Variants in LRRK1 observed in about 807,000 individuals in gnomAD.
LRRK1 encodes leucine rich repeat kinase 1.
LRRK1 carries 113 observed loss-of-function variants against 209.1 expected under a neutral mutation model. The ratio of observed to expected loss-of-function variants is 0.54; its 90% confidence interval spans 0.46 to 0.63. The LOEUF is 0.63. Among genes scored for constraint, LRRK1 ranks in the 30% least tolerant of loss-of-function variants. The pLI, the probability that LRRK1 is intolerant of heterozygous loss-of-function variation, is 0.00. For missense variants in LRRK1, 2,284 were observed against 2,632.2 expected (o/e 0.87, Z 2.89); for synonymous variants, 1,144 against 1,099.7 (o/e 1.04, Z -0.80).
intron 2 of LRRK1, among the ~76,000 whole-genome samples, chr15:100,960,128 G>A (rs75568584): frequency 0.012 from 1,810 of 152,204 alleles, 45 homozygotes; most frequent in African/African-American, 0.041. Context: ...ATTCCGCCAC[G>A]TAAGAAAAAC....
chr15:100,971,518 T>C (rs1323338919), intron 2 of LRRK1, among the ~76,000 whole-genome samples: 2 of 152,120 alleles, frequency 1.3e-5, no homozygotes, highest in African/African-American at 4.8e-5. Context: ...CCAAGGATGA[T>C]AGTGTTGAAG....
intron 2 of LRRK1, among the ~76,000 whole-genome samples, chr15:100,966,500 C>G (rs1252592243): frequency 6.6e-6 from 1 of 152,130 alleles, no homozygotes; most frequent in Non-Finnish European, 1.5e-5. Flanking sequence ...CCCCCATGGC[C>G]CATGCCTAAT....
rs768781615 is a variant in LRRK1 at position 101,022,429 on chromosome 15, G to A, written c.1899G>A (p.Ala633=). The A allele has an allele frequency of 9.9e-6, 16 of 1,614,104 alleles. No homozygotes were observed. Among genetic ancestry groups the A allele is most frequent in the African/African-American group, 2.7e-5 (2 of 74,934 alleles). ...ACCTGCGTGCTCAGCTGCGGAAAGCGGAAAAGTGCAAGCTGATGAAGATGA... is the reference window on the plus strand; with the variant it reads ...ACCTGCGTGCTCAGCTGCGGAAAGCAGAAAAGTGCAAGCTGATGAAGATGA... ...LSYLRAQLRK[A]EKCKLMKMII... is the part of the protein sequence containing the mutation. The change falls in exon 15 of 34, where the codon GCG becomes GCA. Residue 633 remains alanine (A), a synonymous_variant. Coordinates refer to ENST00000388948, the MANE Select transcript of LRRK1 (RefSeq NM_024652.6). This position sits in a 1 kb window ranked among gnomAD's most constrained non-coding sequence, Gnocchi z 4.0.
intron 2 of LRRK1, among the ~76,000 whole-genome samples, chr15:100,928,907 G>T (rs1232674473): frequency 6.6e-6 from 1 of 152,134 alleles, no homozygotes; most frequent in Non-Finnish European, 1.5e-5. Context: ...TCCCAGGAAG[G>T]TGTGTGACAA....
chr15:100,941,524 G>A (rs1010641409), intron 2 of LRRK1, among the ~76,000 whole-genome samples: 2 of 147,362 alleles, frequency 1.4e-5, no homozygotes, highest in Admixed American at 6.8e-5. Context: ...GTCTCTTCCT[G>A]CTGATCGGTG....
chr15:101,054,415 G>T (rs188368136), intron 26 of LRRK1, among the ~76,000 whole-genome samples: 1 of 152,232 alleles, frequency 6.6e-6, no homozygotes, highest in African/African-American at 2.4e-5. Context: ...AAGCTACAGC[G>T]ATGAGCATTT....
chr15:101,040,394 T>A (rs2034693974), intron 20 of LRRK1, among the ~76,000 whole-genome samples: 1 of 152,172 alleles, frequency 6.6e-6, no homozygotes, highest in South Asian at 2.1e-4. Flanking sequence ...ATATTAATAA[T>A]ATGTCTTTTC....
intron 2 of LRRK1, among the ~76,000 whole-genome samples, chr15:100,957,839 A>C (rs1377684055): frequency 1.3e-5 from 2 of 152,180 alleles, no homozygotes; most frequent in Non-Finnish European, 2.9e-5. Flanking sequence ...CCAATTTTTT[A>C]ATTATTTTCG....
intron 12 of LRRK1, among the ~76,000 whole-genome samples, chr15:101,019,830 T>C (rs1391273223): frequency 1.3e-5 from 2 of 152,192 alleles, no homozygotes; most frequent in East Asian, 3.8e-4. Flanking sequence ...TAAAGGCACT[T>C]CAGAGATTCT....
chr15:100,920,532 C>T (rs2042002077), intron 1 of LRRK1, among the ~76,000 whole-genome samples: 1 of 152,164 alleles, frequency 6.6e-6, no homozygotes, highest in African/African-American at 2.4e-5. Flanking sequence ...TTTCCCTCTC[C>T]CAAAAGTCGA....
intron 20 of LRRK1, among the ~76,000 whole-genome samples, chr15:101,031,267 G>T (rs949996301): frequency 1.3e-5 from 2 of 152,188 alleles, no homozygotes; most frequent in East Asian, 3.8e-4. Flanking sequence ...CGCCCTTCCA[G>T]TCGCTTCCCA....
chr15:101,023,747 C>A (rs903132840), intron 15 of LRRK1, among the ~76,000 whole-genome samples: 5 of 152,208 alleles, frequency 3.3e-5, no homozygotes, highest in Admixed American at 2.0e-4. Context: ...GGCATTGAAG[C>A]TGTGCATCTG....
At chr15:101,053,541 G>C (rs2035608808) in intron 26 of LRRK1, 121 bp downstream of exon 26, 1 of 843,944 alleles carries the variant, frequency 1.2e-6, no homozygotes, top group Admixed American at 2.7e-5. Context: ...CCCAACCCAT[G>C]GCTCGTGTGA....
chr15:100,946,812 CA>C (rs1447778043), intron 2 of LRRK1, among the ~76,000 whole-genome samples: 3 of 152,146 alleles, frequency 2.0e-5, no homozygotes, highest in African/African-American at 7.2e-5. Context: ...GAATGTTGAA[CA>C]ACATACCAAT....
Position 101,021,162 on chromosome 15 carries a change from A to T in LRRK1, c.1719A>T (p.Leu573Phe). Residue 573 changes from leucine (L) to phenylalanine (F), a missense_variant, in exon 13 of 34, where the codon TTA becomes TTT. Physicochemically the swap from Leu to Phe is conservative, Grantham distance 22. Transcript: ENST00000388948. ...CCTCGGTTTGCCTACTGAAGAGCTT[A>T]TCAGAGCTCTACTTGGGAAAGTAAG... ...VPPSVCLLKSLSELYLGNNPG... is the reference protein window; with the variant it reads ...VPPSVCLLKSFSELYLGNNPG... 1 of 1,614,062 alleles carries T rather than the reference A, an allele frequency of 6.2e-7. No individual in the cohort carries two copies. Among genetic ancestry groups the T allele is most frequent in the Non-Finnish European group, 8.5e-7 (1 of 1,179,966 alleles).
intron 12 of LRRK1, among the ~76,000 whole-genome samples, chr15:101,020,692 A>G (rs2033742986): frequency 6.6e-6 from 1 of 152,104 alleles, no homozygotes. Flanking sequence ...TTTTCAATTG[A>G]TGGGTAGCTC....
intron 4 of LRRK1, 104 bp from the exon 5 acceptor site, chr15:100,988,530 T>C (rs2031992134): frequency 2.9e-6 from 3 of 1,039,336 alleles, no homozygotes; most frequent in Non-Finnish European, 4.5e-6. Flanking sequence ...TACCACATTT[T>C]ATTTAACCAG....
chr15:100,997,570 C>T (rs956772187), intron 6 of LRRK1, among the ~76,000 whole-genome samples: 1 of 152,198 alleles, frequency 6.6e-6, no homozygotes, highest in Non-Finnish European at 1.5e-5. Flanking sequence ...ATTCAAACAG[C>T]TTGCAAGTAC....
chr15:100,939,804 T>A (rs2141607503), intron 2 of LRRK1, among the ~76,000 whole-genome samples: 1 of 152,364 alleles, frequency 6.6e-6, no homozygotes, highest in Non-Finnish European at 1.5e-5. Context: ...GGTTTTTTTC[T>A]CTTAGTTTTC....
Sources: gnomAD v4.1 joint callset for allele counts (sites outside exome capture counted in the v4.1 genomes callset) on GRCh38, gnomAD v4.1.1 for gene constraint, Gnocchi (gnomAD v3.1) non-coding constraint, MANE v1.5 for transcripts, NCBI Gene and HGNC (gene_info 2026-07-23, HGNC 2026-07-21) for gene names.